Variants in NKAIN3 observed in about 807,000 individuals in gnomAD.
The protein encoded by NKAIN3 is sodium/potassium-transporting ATPase subunit beta-1-interacting protein 3.
In NKAIN3, 25 loss-of-function variants were observed where a neutral mutation model predicts 30.2. The observed-to-expected ratio is 0.83, with a 90% CI of 0.60 to 1.16. The LOEUF (loss-of-function observed/expected upper bound fraction) is 1.16, where lower values mean the gene tolerates loss of function less well. Among genes scored for constraint, NKAIN3 ranks in the 50% most tolerant of loss-of-function variants. The pLI, the probability that NKAIN3 is intolerant of heterozygous loss-of-function variation, is 0.00. For missense variants in NKAIN3, 225 were observed against 254.1 expected, an observed-to-expected ratio of 0.89 and a Z score of 0.78; for synonymous variants, 91 against 89.6, an observed-to-expected ratio of 1.02 and a Z score of -0.09.
At chr8:62,809,915 C>T (rs1818435462) in intron 4 of NKAIN3, among the ~76,000 whole-genome samples, 1 of 152,050 alleles carries the variant, frequency 6.6e-6, no homozygotes, top group Non-Finnish European at 1.5e-5. Flanking sequence ...TTTTAATCCC[C>T]TCACTTATTT....
At chr8:62,839,671 G>A (rs767859994) in intron 4 of NKAIN3, among the ~76,000 whole-genome samples, 1 of 151,952 alleles carries the variant, frequency 6.6e-6, no homozygotes, top group Admixed American at 6.6e-5. Flanking sequence ...GTAACTGTGG[G>A]CTCCTGGGCT....
intron 4 of NKAIN3, among the ~76,000 whole-genome samples, chr8:62,902,516 A>G (rs1218121825): frequency 6.6e-6 from 1 of 152,166 alleles, no homozygotes; most frequent in Non-Finnish European, 1.5e-5. Flanking sequence ...TAGATAATTT[A>G]TAAGTCCCCA....
intron 1 of NKAIN3, among the ~76,000 whole-genome samples, chr8:62,550,351 C>A (rs144479564): frequency 8.5e-5 from 13 of 152,266 alleles, no homozygotes; most frequent in African/African-American, 3.1e-4. Flanking sequence ...GACTTATCAC[C>A]CTTACTAGAT....
At position 62,741,420 on chromosome 8, in the gene NKAIN3, AAGGCAGGCAAGC is replaced by A. The variant is rs1366732178; in HGVS notation, c.274-5510_274-5499del. Among the ~76,000 whole-genome samples the A allele has an allele frequency of 2.3e-3, 314 of 136,418 alleles. 1 individual carries two copies. Among genetic ancestry groups the A allele is most frequent in the African/African-American group, 9.2e-3 (302 of 32,988 alleles). The allele number at this position is 136,418 out of a possible 152,430, so 89.5% of individuals were successfully genotyped here. Reference sequence around the variant, plus strand: ...GAAGGAAGGAAGGAAGGAAGGAAGGAAGGCAGGCAAGCAAGCAAGCACACTCCAACCTTCCTA... The same window carrying A: ...GAAGGAAGGAAGGAAGGAAGGAAGGAAAGCAAGCACACTCCAACCTTCCTA... On this transcript the variant is annotated intron_variant, in intron 3 of 6. Coordinates refer to ENST00000623646, the MANE Select transcript of NKAIN3 (RefSeq NM_001304533.3).
intron 1 of NKAIN3, among the ~76,000 whole-genome samples, chr8:62,433,606 G>A (rs945777360): frequency 6.6e-6 from 1 of 151,976 alleles, no homozygotes; most frequent in Non-Finnish European, 1.5e-5. Context: ...TCAGACGGTG[G>A]GATTTTTCCC....
intron 1 of NKAIN3, among the ~76,000 whole-genome samples, chr8:62,469,878 C>A (rs1042403820): frequency 6.6e-6 from 1 of 152,146 alleles, no homozygotes; most frequent in African/African-American, 2.4e-5. Flanking sequence ...CATTGTATGG[C>A]TCAATACTTA....
chr8:62,598,613 C>T (rs1476300677), intron 3 of NKAIN3, among the ~76,000 whole-genome samples: 3 of 152,016 alleles, frequency 2.0e-5, no homozygotes, highest in East Asian at 1.9e-4. Flanking sequence ...GATGCATTCC[C>T]GCGGGTTCTG....
intron 4 of NKAIN3, among the ~76,000 whole-genome samples, chr8:62,775,877 C>G (rs1042909101): frequency 6.6e-6 from 1 of 152,028 alleles, no homozygotes; most frequent in Non-Finnish European, 1.5e-5. Flanking sequence ...CTGTCCAATG[C>G]TGAAAGTGGG....
intron 4 of NKAIN3, among the ~76,000 whole-genome samples, chr8:62,904,272 T>C (rs1399586760): frequency 6.6e-6 from 1 of 152,182 alleles, no homozygotes; most frequent in African/African-American, 2.4e-5. Context: ...TCCTATCATA[T>C]TATTTCTCTC....
intron 1 of NKAIN3, among the ~76,000 whole-genome samples, chr8:62,479,432 T>C (rs75626471): frequency 0.032 from 4,859 of 152,212 alleles, 296 homozygotes; most frequent in African/African-American, 0.11. Flanking sequence ...TGGTGAAGCC[T>C]GAATTTGAAC....
intron 1 of NKAIN3, among the ~76,000 whole-genome samples, chr8:62,540,454 T>C (rs1424453188): frequency 1.3e-5 from 2 of 152,234 alleles, no homozygotes; most frequent in Non-Finnish European, 2.9e-5. Context: ...TGTAGTGTAC[T>C]ACATTTCCAT....
intron 1 of NKAIN3, among the ~76,000 whole-genome samples, chr8:62,282,522 A>G (rs1813239762): frequency 6.6e-6 from 1 of 152,154 alleles, no homozygotes; most frequent in Non-Finnish European, 1.5e-5. Flanking sequence ...CCCCTTATTC[A>G]GGGAGCGATC....
intron 4 of NKAIN3, chr8:62,855,908 T>C (rs1445513100): frequency 6.6e-6 from 5 of 761,962 alleles, no homozygotes; most frequent in Non-Finnish European, 1.2e-5. Context: ...TCCTGCGGGG[T>C]GTGTATCTGC....
At chr8:62,529,914 C>T (rs1701596614) in intron 1 of NKAIN3, among the ~76,000 whole-genome samples, 2 of 152,114 alleles carry the variant, frequency 1.3e-5, no homozygotes, top group South Asian at 2.1e-4. Flanking sequence ...TATTTGGTAG[C>T]AGTACTAGAG....
At chr8:62,479,868 C>T (rs1457249172) in intron 1 of NKAIN3, among the ~76,000 whole-genome samples, 1 of 152,052 alleles carries the variant, frequency 6.6e-6, no homozygotes, top group Non-Finnish European at 1.5e-5. Context: ...TGCTCCCCGC[C>T]TTTCCCAGAG....
At chr8:62,328,208 A>G (rs544561819) in intron 1 of NKAIN3, among the ~76,000 whole-genome samples, 2 of 152,242 alleles carry the variant, frequency 1.3e-5, no homozygotes, top group South Asian at 2.1e-4. Flanking sequence ...GCACAAATCT[A>G]TTACTATAAT....
chr8:62,409,935 G>T (rs963896511), intron 1 of NKAIN3, among the ~76,000 whole-genome samples: 3 of 151,820 alleles, frequency 2.0e-5, no homozygotes, highest in Non-Finnish European at 4.4e-5. Flanking sequence ...AAAGAATAAG[G>T]TTATCCTCAA....
chr8:62,721,594 G>A (rs2130519218), intron 3 of NKAIN3, among the ~76,000 whole-genome samples: 1 of 152,266 alleles, frequency 6.6e-6, no homozygotes, highest in Middle Eastern at 3.4e-3. Context: ...TCCTTCTTCA[G>A]CCAAGTGTTG....
chr8:62,477,355 T>C (rs543165986), intron 1 of NKAIN3, among the ~76,000 whole-genome samples: 1 of 144,408 alleles, frequency 6.9e-6, no homozygotes, highest in Non-Finnish European at 1.5e-5. Context: ...TAAAAAAAAA[T>C]GTGAAACTGG....
Sources: gnomAD v4.1 joint callset for allele counts (sites outside exome capture counted in the v4.1 genomes callset) on GRCh38, gnomAD v4.1.1 for gene constraint, MANE v1.5 for transcripts, NCBI Gene and HGNC (gene_info 2026-07-23, HGNC 2026-07-21) for gene names.